Variants in PCSK5 observed in about 807,000 individuals in gnomAD.
The protein encoded by PCSK5 is prohormone convertase 5.
Under a neutral mutation model 233.2 loss-of-function variants are expected in PCSK5, and 129 were observed. The ratio of observed to expected loss-of-function variants is 0.55; its 90% CI spans 0.48 to 0.64. The LOEUF (loss-of-function observed/expected upper bound fraction) is 0.64, where lower values mean the gene tolerates loss of function less well. Among genes scored for constraint, PCSK5 ranks in the 30% least tolerant of loss-of-function variants. The pLI is 0.00. For synonymous variants in PCSK5, 825 were observed against 879.2 expected, an observed-to-expected ratio of 0.94 and a Z score of 1.09; for missense variants, 2,076 against 2,430.1, an observed-to-expected ratio of 0.85 and a Z score of 3.06.
rs1554701013 is a variant in PCSK5, at chr9:76,180,087, G to GTATATATA, written c.2003+400_2003+407dup. On this transcript the variant is annotated intron_variant, in intron 15 of 37. Transcript: ENST00000674117. ...TGTTTATATATATATGTGTGTGTGT[G>GTATATATA]TATATATATATATATATACACACAC... Among the ~76,000 whole-genome samples the GTATATATA allele has an allele frequency of 1.4e-3, 183 of 132,608 alleles. 2 individuals are homozygous for GTATATATA. Among genetic ancestry groups the GTATATATA allele is most frequent in the African/African-American group, 4.2e-3 (144 of 34,632 alleles). The allele number at this position is 132,608 out of a possible 152,430, so 87.0% of individuals were successfully genotyped here. A position where few individuals can be genotyped will look rare whatever the true frequency, so the allele number is the denominator to read the frequency against.
chr9:75,938,762 G>A (rs1824171597), intron 2 of PCSK5, among the ~76,000 whole-genome samples: 1 of 152,076 alleles, frequency 6.6e-6, no homozygotes, highest in Admixed American at 6.5e-5. Context: ...GACTTCATTG[G>A]GCATATAAGG....
chr9:75,957,392 G>C (rs544806965), intron 2 of PCSK5, among the ~76,000 whole-genome samples: 1 of 152,244 alleles, frequency 6.6e-6, no homozygotes, highest in African/African-American at 2.4e-5. Flanking sequence ...GGAATGTGCT[G>C]TATAAACACC....
At chr9:76,303,479 T>A (rs916822905) in intron 28 of PCSK5, among the ~76,000 whole-genome samples, 4 of 152,226 alleles carry the variant, frequency 2.6e-5, no homozygotes, top group African/African-American at 9.6e-5. Flanking sequence ...TGATGAAAAC[T>A]CATGTCTTTA....
intron 5 of PCSK5, among the ~76,000 whole-genome samples, chr9:76,064,291 T>A (rs1378094684): frequency 1.3e-5 from 1 of 77,848 alleles, no homozygotes; most frequent in Non-Finnish European, 2.4e-5. Flanking sequence ...GGCTCCTCAC[T>A]TCCCAGTAGG....
intron 34 of PCSK5, among the ~76,000 whole-genome samples, chr9:76,335,917 G>A (rs1205453998): frequency 6.6e-6 from 1 of 152,184 alleles, no homozygotes; most frequent in East Asian, 1.9e-4. Flanking sequence ...GAGGGGTTAA[G>A]TGACTTGCCC....
At chr9:75,916,896 C>T (rs1301527670) in intron 1 of PCSK5, among the ~76,000 whole-genome samples, 2 of 151,930 alleles carry the variant, frequency 1.3e-5, no homozygotes, top group Non-Finnish European at 2.9e-5. Flanking sequence ...CAGGGCCAGG[C>T]GAGGTGGCTC....
chr9:75,949,158 A>G (rs1824727992), intron 2 of PCSK5, among the ~76,000 whole-genome samples: 1 of 151,244 alleles, frequency 6.6e-6, no homozygotes, highest in South Asian at 2.1e-4. Flanking sequence ...GGACATACCT[A>G]TATTGAAGTG....
At chr9:76,043,009 G>C (rs1312503269) in intron 5 of PCSK5, among the ~76,000 whole-genome samples, 1 of 152,112 alleles carries the variant, frequency 6.6e-6, no homozygotes, top group East Asian at 1.9e-4. Flanking sequence ...ATTTTCCATT[G>C]CTAAAGGATT....
intron 20 of PCSK5, among the ~76,000 whole-genome samples, chr9:76,207,214 G>T (rs947455363): frequency 3.3e-5 from 5 of 152,136 alleles, no homozygotes; most frequent in African/African-American, 7.2e-5. Flanking sequence ...AATCACATCT[G>T]GGAAATCCCT....
At chr9:76,297,628 C>A (rs999429303) in intron 27 of PCSK5, among the ~76,000 whole-genome samples, 10 of 152,312 alleles carry the variant, frequency 6.6e-5, no homozygotes, top group African/African-American at 2.4e-4. Flanking sequence ...GGTTAAAAAA[C>A]AAAATCCTCT....
intron 2 of PCSK5, among the ~76,000 whole-genome samples, chr9:75,944,253 T>A (rs1587398363): frequency 1.3e-5 from 2 of 150,118 alleles, no homozygotes; most frequent in East Asian, 2.0e-4. Flanking sequence ...ATGAAGAGAG[T>A]AGAAGATGAA....
chr9:76,186,503 G>C (rs1307759691), intron 17 of PCSK5, among the ~76,000 whole-genome samples: 2 of 152,152 alleles, frequency 1.3e-5, no homozygotes, highest in African/African-American at 2.4e-5. Context: ...GGTCTAACCT[G>C]GCCAGTTTAT....
At chr9:76,097,077 A>C (rs1436896087) in intron 8 of PCSK5, among the ~76,000 whole-genome samples, 1 of 142,980 alleles carries the variant, frequency 7.0e-6, no homozygotes, top group Admixed American at 7.0e-5. Context: ...GACTACAAGC[A>C]TGTGCCACCA....
chr9:75,953,290 C>CAA (rs1165135594), intron 2 of PCSK5, among the ~76,000 whole-genome samples: 1 of 152,002 alleles, frequency 6.6e-6, no homozygotes, highest in Non-Finnish European at 1.5e-5. Flanking sequence ...GGTGAGGAAG[C>CAA]AAAAGAAGTG....
At chr9:76,350,677 G>A (rs1412262746) in intron 35 of PCSK5, 151 bp from the exon 36 acceptor site, 1 of 578,488 alleles carries the variant, frequency 1.7e-6, no homozygotes, top group African/African-American at 1.9e-5. Context: ...TCTACTTTGT[G>A]TGGGAGACTT....
At position 76,106,195 on chromosome 9, in the gene PCSK5, G is replaced by A. The variant is rs113879789; in HGVS notation, c.1108-1056G>A. Among the ~76,000 whole-genome samples, 279 of 152,176 alleles carry A rather than the reference G, an allele frequency of 1.8e-3. 2 individuals are homozygous for A. The highest frequency in any genetic ancestry group is 6.2e-3 in the African/African-American group (258 of 41,490). On this transcript the variant is annotated intron_variant, in intron 8 of 37. Coordinates refer to ENST00000674117, the MANE Select transcript of PCSK5 (RefSeq NM_001372043.1). ...TATGGTAATATACTTGCCTTGATGC[G>A]AAAGACAGATTTACTAATAGCCTTC...
chr9:76,107,450 G>A, intron 9 of PCSK5, 99 bp downstream of exon 9: 1 of 611,068 alleles, frequency 1.6e-6, no homozygotes, highest in Non-Finnish European at 2.7e-6. Flanking sequence ...TGACAACCTA[G>A]AATATAATCT....
chr9:76,351,504 GAAAGAAAGAAAGAAAGAAAGAAAGA>G lies in PCSK5; in HGVS notation c.5067+579_5067+603del, dbSNP rs1564196798. 6.1e-4 allele frequency among the ~76,000 whole-genome samples: 65 copies of G among 105,968 alleles called. 5 individuals are homozygous for G. The highest frequency in any genetic ancestry group is 1.8e-3 in the African/African-American group (53 of 29,598). The allele number at this position is 105,968 out of a possible 152,430, so 69.5% of individuals were successfully genotyped here. On this transcript the variant is annotated intron_variant, in intron 36 of 37. Transcript: ENST00000674117. ...AGAAAGAAAGAAAGAAAGAAAGAAA[GAAAGAAAGAAAGAAAGAAAGAAAGA>G]AAGGAAGGAAAGAAAGAGAAAGAAG... is the stretch of plus-strand genomic sequence containing the variant.
In PCSK5 at chr9:76,122,816, CTTTT is replaced by C. The variant is rs11430110; in HGVS notation, c.1209-11286_1209-11283del. On this transcript the variant is annotated intron_variant, in intron 9 of 37. Transcript: ENST00000674117. ...TGCTTCCATCAGTTACTTATTTTTT[CTTTT>C]TTTTTTCTTTTTTTTTTTTTTTTAA... Among the ~76,000 whole-genome samples the C allele has an allele frequency of 1.3e-4, 17 of 130,508 alleles. No individual in the cohort carries two copies. In the South Asian group the frequency reaches 1.5e-3, roughly 11 times the overall value. 85.6% of individuals were successfully genotyped at this position (130,508 alleles called of 152,430 possible).
Sources: allele counts gnomAD v4.1 joint callset (sites outside exome capture counted in the v4.1 genomes callset), GRCh38; gene constraint gnomAD v4.1.1; transcripts MANE v1.5; gene names NCBI Gene and HGNC (gene_info 2026-07-23, HGNC 2026-07-21).